The following DMXL2 variants were observed in gnomAD, a reference collection of about 807,000 sequenced individuals.
DMXL2 encodes Dmx like 2.
Under a neutral mutation model 331.1 loss-of-function variants are expected in DMXL2, and 103 were observed. The observed-to-expected ratio is 0.31, with a 90% CI of 0.27 to 0.37. DMXL2 has a LOEUF of 0.37. Among genes scored for constraint, DMXL2 ranks in the 10% least tolerant of loss-of-function variants. The probability of loss-of-function intolerance (pLI) is 1.00; values close to 1 mark genes in which losing one functional copy is unlikely to be tolerated. For synonymous variants in DMXL2, 1,281 were observed against 1,252.1 expected (o/e 1.02, Z -0.49); for missense variants, 3,171 against 3,642.9 (o/e 0.87, Z 3.33).
intron 7 of DMXL2, 40 bp from the exon 8 acceptor site, chr15:51,545,806 T>A: frequency 1.3e-6 from 2 of 1,526,014 alleles, no homozygotes; most frequent in Non-Finnish European, 9.0e-7. Context: ...AATGTGAATA[T>A]CAATCCCATT....
chr15:51,541,762 T>C (rs959691789), intron 9 of DMXL2, among the ~76,000 whole-genome samples: 2 of 152,170 alleles, frequency 1.3e-5, no homozygotes, highest in Non-Finnish European at 2.9e-5. Flanking sequence ...GGAAAACATA[T>C]TGCCTTTAAA....
intron 29 of DMXL2, among the ~76,000 whole-genome samples, chr15:51,466,919 T>C (rs920159313): frequency 2.0e-5 from 3 of 151,952 alleles, no homozygotes; most frequent in Admixed American, 2.0e-4. Flanking sequence ...TTTTAGTGGA[T>C]ATTAAACTAA....
rs1263812538 is a variant in DMXL2, at chr15:51,488,628, A to G, written c.4971T>C (p.Phe1657=). ...CATCTAAGGCATCATTGTTCCTTTG[A>G]AAAGAAGCTTTGGCAACCTAAATGA... is the stretch of plus-strand genomic sequence containing the variant. The part of the protein sequence containing the change: ...RCIEKVAKAS[F]QRNNDALDAA... Residue 1657 remains phenylalanine, a synonymous_variant, in exon 21 of 44, where the codon TTT becomes TTC. Transcript: ENST00000560891. 1.9e-6 allele frequency: 3 copies of G among 1,608,082 alleles called. No homozygotes were observed. Among genetic ancestry groups the G allele is most frequent in the Middle Eastern group, 3.3e-4 (2 of 6,048 alleles).
intron 6 of DMXL2, among the ~76,000 whole-genome samples, chr15:51,556,198 C>T (rs2049561037): frequency 6.6e-6 from 1 of 151,812 alleles, no homozygotes; most frequent in Admixed American, 6.6e-5. Flanking sequence ...AAAAAATTAG[C>T]TGGGCGTGGT....
chr15:51,514,657 T>C, intron 14 of DMXL2, 98 bp from the exon 15 acceptor site: 1 of 715,856 alleles, frequency 1.4e-6, no homozygotes. Flanking sequence ...AGAAGAAATA[T>C]ATCTAACAAT....
intron 23 of DMXL2, among the ~76,000 whole-genome samples, chr15:51,482,025 A>G (rs560305970): frequency 6.6e-6 from 1 of 152,240 alleles, no homozygotes; most frequent in African/African-American, 2.4e-5. Flanking sequence ...CAAAACAGGG[A>G]AAAAAAGAGC....
At chr15:51,558,979 T>C (rs529576248) in intron 6 of DMXL2, among the ~76,000 whole-genome samples, 120 of 152,312 alleles carry the variant, frequency 7.9e-4, no homozygotes, top group Middle Eastern at 3.4e-3. Context: ...AAAAACATCA[T>C]ACTACGAGGA....
At position 51,453,613 on chromosome 15, in the gene DMXL2, C is replaced by A. The variant is rs2039354206; in HGVS notation, c.8633G>T (p.Ser2878Ile). ...TGAAGAGGTAATAAATGCAAAGTCA[C>A]TTGTGGCTTTACTGTGGCACTGCCA... ...MSWQCHSKATSDFAFITSSSL... is the reference protein window; with the variant it reads ...MSWQCHSKATIDFAFITSSSL... The change falls in exon 41 of 44, where the codon AGT (serine) becomes ATT (isoleucine). Residue 2878 changes from serine to isoleucine, a missense_variant. By Grantham distance (142) the Ser-to-Ile change is moderately radical. Coordinates refer to ENST00000560891, the MANE Select transcript of DMXL2 (RefSeq NM_001378457.1). 5 of 1,613,722 alleles carry A rather than the reference C, an allele frequency of 3.1e-6. No homozygotes were observed. In the East Asian group the frequency reaches 1.1e-4, roughly 36 times the overall value.
At chr15:51,451,573 C>T (rs529654394) in intron 42 of DMXL2, 72 bp downstream of exon 42, 2 of 1,220,668 alleles carry the variant, frequency 1.6e-6, no homozygotes, top group South Asian at 2.7e-5. Context: ...CTAATTAAAA[C>T]CAAGAAAGCA....
At chr15:51,466,136 A>G in intron 30 of DMXL2, 48 bp downstream of exon 30, 1 of 1,354,762 alleles carries the variant, frequency 7.4e-7, no homozygotes, top group Non-Finnish European at 9.7e-7. Flanking sequence ...TATTTTCTAC[A>G]AAAAGAAAAG....
At chr15:51,621,434 G>C (rs1218349039) in intron 1 of DMXL2, among the ~76,000 whole-genome samples, 1 of 152,184 alleles carries the variant, frequency 6.6e-6, no homozygotes, top group African/African-American at 2.4e-5. Flanking sequence ...GGAATTTCCA[G>C]TTTTATCAAG....
At chr15:51,591,868 A>C (rs898077213) in intron 1 of DMXL2, among the ~76,000 whole-genome samples, 2 of 152,206 alleles carry the variant, frequency 1.3e-5, no homozygotes, top group Non-Finnish European at 2.9e-5. Context: ...GACTCTTAGA[A>C]GGAAAACTAG....
At chr15:51,572,157 C>T (rs566482675) in intron 2 of DMXL2, among the ~76,000 whole-genome samples, 15 of 151,694 alleles carry the variant, frequency 9.9e-5, no homozygotes, top group African/African-American at 3.1e-4. Context: ...CAATAAACAC[C>T]TCTACACACA....
chr15:51,608,334 A>G lies in DMXL2; in HGVS notation c.87+14125T>C, dbSNP rs2053730562. Among the ~76,000 whole-genome samples the G allele has an allele frequency of 1.3e-5, 2 of 152,234 alleles. 1 individual carries two copies. The highest frequency in any genetic ancestry group is 4.1e-4 in the South Asian group (2 of 4,836). On this transcript the variant is annotated intron_variant, in intron 1 of 43. Coordinates refer to ENST00000560891, the MANE Select transcript of DMXL2 (RefSeq NM_001378457.1). ...ACTGCAGCACTATTCACAATTGCAAAGACAGGGAATCAACCTAGATGCCCA... is the reference window on the plus strand; with the variant it reads ...ACTGCAGCACTATTCACAATTGCAAGGACAGGGAATCAACCTAGATGCCCA...
At chr15:51,534,621 C>T (rs958319888) in intron 13 of DMXL2, among the ~76,000 whole-genome samples, 1 of 152,130 alleles carries the variant, frequency 6.6e-6, no homozygotes, top group Non-Finnish European at 1.5e-5. Flanking sequence ...AAATATCTTC[C>T]AATTCTAGTT....
At chr15:51,598,214 A>T (rs1382190967) in intron 1 of DMXL2, among the ~76,000 whole-genome samples, 2 of 152,148 alleles carry the variant, frequency 1.3e-5, no homozygotes, top group African/African-American at 4.8e-5. Context: ...AAAGTTGTAA[A>T]TTTATACAGT....
Position 51,472,875 on chromosome 15 carries a change from G to A in DMXL2, c.7213+1469C>T, listed in dbSNP as rs375734227. Among the ~76,000 whole-genome samples the A allele has an allele frequency of 5.9e-5, 9 of 152,178 alleles. 1 individual carries two copies. The South Asian group carries it at 1.7e-3, about 28-fold the overall frequency. Reference sequence around the variant, plus strand: ...CTATTCTCCACAAAGCAGCTAGAGCGGTTCTGTTGAAAAGCTGAATCAGAT... The same window carrying A: ...CTATTCTCCACAAAGCAGCTAGAGCAGTTCTGTTGAAAAGCTGAATCAGAT... On this transcript the variant is annotated intron_variant, in intron 28 of 43. Coordinates refer to ENST00000560891, the MANE Select transcript of DMXL2 (RefSeq NM_001378457.1).
At chr15:51,474,921 G>A (rs1292730922) in intron 27 of DMXL2, among the ~76,000 whole-genome samples, 2 of 152,022 alleles carry the variant, frequency 1.3e-5, no homozygotes, top group East Asian at 1.9e-4. Context: ...CCTGATTCAG[G>A]CAAAAATCAT....
intron 15 of DMXL2, among the ~76,000 whole-genome samples, chr15:51,507,811 T>TA (rs57858304): frequency 6.5e-3 from 914 of 140,846 alleles, no homozygotes; most frequent in Middle Eastern, 7.1e-3. Context: ...AAAACAGCAT[T>TA]AAAAAAAAAA....
Sources: gnomAD v4.1 joint callset for allele counts (sites outside exome capture counted in the v4.1 genomes callset) on GRCh38, gnomAD v4.1.1 for gene constraint, MANE v1.5 for transcripts, NCBI Gene and HGNC (gene_info 2026-07-23, HGNC 2026-07-21) for gene names.